The following IMMP2L variants were observed in gnomAD, a reference collection of about 807,000 sequenced individuals.
The protein encoded by IMMP2L is inner mitochondrial membrane peptidase subunit 2.
IMMP2L carries 18 observed loss-of-function variants against 19.3 expected under a neutral mutation model. That is an observed-to-expected ratio of 0.93 (90% CI 0.64 to 1.38). The LOEUF is 1.38. Ranked by LOEUF, IMMP2L falls within the 40% of genes most tolerant of loss-of-function variation. IMMP2L has a pLI of 0.00. For synonymous variants in IMMP2L, 76 were observed against 73.0 expected (o/e 1.04, Z -0.21); for missense variants, 233 against 218.2 (o/e 1.07, Z -0.43).
intron 5 of IMMP2L, among the ~76,000 whole-genome samples, chr7:110,786,810 A>G (rs1800109322): frequency 6.6e-6 from 1 of 152,048 alleles, no homozygotes; most frequent in Non-Finnish European, 1.5e-5. Flanking sequence ...AAAAGCTGCC[A>G]AAGGGCATGT....
chr7:111,412,599 C>T (rs1003848645), intron 3 of IMMP2L, among the ~76,000 whole-genome samples: 14 of 151,694 alleles, frequency 9.2e-5, no homozygotes, highest in African/African-American at 3.4e-4. Context: ...ACATAATATA[C>T]CAAAATTTGT....
intron 3 of IMMP2L, among the ~76,000 whole-genome samples, chr7:111,046,813 T>C (rs114298869): frequency 7.3e-4 from 111 of 152,288 alleles, no homozygotes; most frequent in African/African-American, 2.5e-3. Flanking sequence ...AAGCCTGGTG[T>C]TGGGGACTCT....
At chr7:111,265,244 A>G (rs1184841391) in intron 3 of IMMP2L, among the ~76,000 whole-genome samples, 1 of 152,206 alleles carries the variant, frequency 6.6e-6, no homozygotes, top group African/African-American at 2.4e-5. Context: ...AACATAGAAT[A>G]GGCTATATTA....
intron 4 of IMMP2L, among the ~76,000 whole-genome samples, chr7:110,940,455 G>A (rs762514303): frequency 6.6e-6 from 1 of 152,092 alleles, no homozygotes; most frequent in Non-Finnish European, 1.5e-5. Context: ...AGGATCTTCA[G>A]AGATCTCATT....
chr7:111,258,305 C>T (rs1037836422), intron 3 of IMMP2L, among the ~76,000 whole-genome samples: 3 of 151,714 alleles, frequency 2.0e-5, no homozygotes, highest in African/African-American at 4.8e-5. Flanking sequence ...AATGTACATA[C>T]TTGAGAAGAA....
intron 3 of IMMP2L, among the ~76,000 whole-genome samples, chr7:111,347,332 TA>T (rs753658953): frequency 5.3e-5 from 8 of 151,912 alleles, no homozygotes; most frequent in African/African-American, 9.7e-5. Context: ...TTTTTATGGG[TA>T]CACAAGCAAG....
intron 5 of IMMP2L, among the ~76,000 whole-genome samples, chr7:110,768,067 C>T (rs1413409794): frequency 6.6e-6 from 1 of 152,080 alleles, no homozygotes; most frequent in Non-Finnish European, 1.5e-5. Flanking sequence ...TAAACGCATA[C>T]TTAAGAGTTT....
chr7:110,672,017 C>CAAAAA (rs1437347803), intron 5 of IMMP2L, among the ~76,000 whole-genome samples: 22 of 151,560 alleles, frequency 1.5e-4, no homozygotes, highest in Admixed American at 1.3e-3. Context: ...CTGAAAAAAA[C>CAAAAA]AAAACAAAAA....
intron 3 of IMMP2L, among the ~76,000 whole-genome samples, chr7:111,132,730 C>CA (rs776865823): frequency 4.4e-4 from 67 of 151,956 alleles, no homozygotes; most frequent in Non-Finnish European, 6.2e-4. Flanking sequence ...AAAGAGGTAG[C>CA]AAAAAGTTTA....
At chr7:111,285,847 A>T (rs1006831555) in intron 3 of IMMP2L, among the ~76,000 whole-genome samples, 59 of 152,312 alleles carry the variant, frequency 3.9e-4, no homozygotes, top group African/African-American at 1.3e-3. Flanking sequence ...ATTCACAGGG[A>T]TACTATTAAA....
At chr7:111,259,375 C>T (rs1817064415) in intron 3 of IMMP2L, among the ~76,000 whole-genome samples, 1 of 152,142 alleles carries the variant, frequency 6.6e-6, no homozygotes, top group South Asian at 2.1e-4. Flanking sequence ...TGGCTCATGA[C>T]TGTAATCCCA....
Position 111,487,215 on chromosome 7 carries a change from T to C in IMMP2L, c.239+23A>G, listed in dbSNP as rs777861887. On this transcript the variant is annotated intron_variant, in intron 3 of 5. Coordinates refer to ENST00000405709, the MANE Select transcript of IMMP2L (RefSeq NM_032549.4). ...GTATAAATAATTTTATATACAAATA[T>C]AGTATGCTTCTGAGTTACTTACACC... The C allele has an allele frequency of 4.8e-6, 5 of 1,039,454 alleles. No individual in the cohort carries two copies. In the South Asian group the frequency reaches 5.2e-5, roughly 11 times the overall value. 64.4% of individuals were successfully genotyped at this position (1,039,454 alleles called of 1,614,324 possible). A position where few individuals can be genotyped will look rare whatever the true frequency, so the allele number is the denominator to read the frequency against.
At chr7:111,392,909 G>A in intron 3 of IMMP2L, 2 of 448,406 alleles carry the variant, frequency 4.5e-6, no homozygotes, top group Admixed American at 2.4e-5. Context: ...CCATGGAGCT[G>A]GGGGGTCCCA....
At chr7:110,999,887 G>T (rs1823475810) in intron 3 of IMMP2L, among the ~76,000 whole-genome samples, 1 of 152,112 alleles carries the variant, frequency 6.6e-6, no homozygotes, top group Admixed American at 6.6e-5. Flanking sequence ...ACTAAAGCAT[G>T]GTGGAGGGAA....
intron 5 of IMMP2L, among the ~76,000 whole-genome samples, chr7:110,817,141 G>T (rs1802595577): frequency 6.6e-6 from 1 of 152,018 alleles, no homozygotes; most frequent in African/African-American, 2.4e-5. Context: ...GAAATAAAGG[G>T]TATTCAATTA....
intron 3 of IMMP2L, among the ~76,000 whole-genome samples, chr7:111,134,335 T>C (rs990827148): frequency 3.3e-5 from 5 of 152,146 alleles, no homozygotes; most frequent in Non-Finnish European, 5.9e-5. Context: ...AATTGGAACG[T>C]TGAACTCAAA....
intron 4 of IMMP2L, among the ~76,000 whole-genome samples, chr7:110,923,606 T>C (rs2129550761): frequency 6.6e-6 from 1 of 152,304 alleles, no homozygotes; most frequent in African/African-American, 2.4e-5. Flanking sequence ...TTCAAAAGAA[T>C]TCACTAAGCC....
In IMMP2L at chr7:111,443,109, G is replaced by C. The variant is rs185009798; in HGVS notation, c.239+44129C>G. 9.2e-5 allele frequency among the ~76,000 whole-genome samples: 14 copies of C among 151,812 alleles called. 1 individual carries two copies. In the East Asian group the frequency reaches 1.7e-3, roughly 19 times the overall value. On this transcript the variant is annotated intron_variant, in intron 3 of 5. Transcript: ENST00000405709. The stretch of plus-strand genomic sequence containing the variant: ...TTAGTAAAAATACACACACATAATA[G>C]CATAGGTTGATTTTATGTTTTTTAA...
chr7:110,911,905 C>A (rs568080306), intron 4 of IMMP2L, among the ~76,000 whole-genome samples: 2 of 151,994 alleles, frequency 1.3e-5, no homozygotes, highest in Non-Finnish European at 2.9e-5. Flanking sequence ...ATTTCCTCTA[C>A]GGAAATTGCA....
Sources: gnomAD v4.1 joint callset for allele counts (sites outside exome capture counted in the v4.1 genomes callset) on GRCh38, gnomAD v4.1.1 for gene constraint, MANE v1.5 for transcripts, NCBI Gene and HGNC (gene_info 2026-07-23, HGNC 2026-07-21) for gene names.